The following CACNB4 variants were observed in gnomAD, a reference collection of about 807,000 sequenced individuals.
The protein encoded by CACNB4 is voltage-dependent L-type calcium channel subunit beta-4.
In CACNB4, 32 loss-of-function variants were observed where a neutral mutation model predicts 71.2. The observed-to-expected ratio is 0.45, with a 90% CI of 0.34 to 0.60. The LOEUF (loss-of-function observed/expected upper bound fraction) is 0.60, where lower values mean the gene tolerates loss of function less well. Ranked by LOEUF, CACNB4 falls within the 20% of genes least tolerant of loss-of-function variation. CACNB4 has a pLI of 0.01. For synonymous variants in CACNB4, 231 were observed against 236.9 expected, an observed-to-expected ratio of 0.97 and a Z score of 0.23; for missense variants, 464 against 647.9, an observed-to-expected ratio of 0.72 and a Z score of 3.08.
chr2:152,071,579 T>G (rs1289518224), intron 2 of CACNB4, among the ~76,000 whole-genome samples: 1 of 152,234 alleles, frequency 6.6e-6, no homozygotes, highest in Non-Finnish European at 1.5e-5. Context: ...AGAATTTACA[T>G]TAAAAACTAG....
intron 5 of CACNB4, among the ~76,000 whole-genome samples, chr2:151,876,003 C>T (rs809503): frequency 0.28 from 18,102 of 64,606 alleles, 3,189 homozygotes; most frequent in Admixed American, 0.4. Context: ...CCGGACGGGG[C>T]GGCTGGCCGG....
At chr2:152,048,804 T>G (rs1685265104) in intron 2 of CACNB4, 1 of 152,250 alleles carries the variant, frequency 6.6e-6, no homozygotes, top group Non-Finnish European at 1.5e-5. Context: ...GAGCCAAATC[T>G]TAGCCCTTCT....
chr2:152,030,210 T>C (rs1006511205), intron 2 of CACNB4, among the ~76,000 whole-genome samples: 2 of 152,118 alleles, frequency 1.3e-5, no homozygotes, highest in South Asian at 4.1e-4. Context: ...AAAAATAAAA[T>C]TCACACATAG....
At chr2:152,050,170 C>T (rs1206572820) in intron 2 of CACNB4, among the ~76,000 whole-genome samples, 1 of 152,224 alleles carries the variant, frequency 6.6e-6, no homozygotes, top group Non-Finnish European at 1.5e-5. Flanking sequence ...GTGTGCTGGG[C>T]CCGCTGCCTG....
At chr2:151,978,593 G>A (rs530495053) in intron 2 of CACNB4, among the ~76,000 whole-genome samples, 1 of 152,276 alleles carries the variant, frequency 6.6e-6, no homozygotes, top group Admixed American at 6.5e-5. Context: ...AGAAGATTGT[G>A]CAAATTAAAA....
chr2:152,010,071 G>C (rs115497336), intron 2 of CACNB4, among the ~76,000 whole-genome samples: 186 of 152,294 alleles, frequency 1.2e-3, no homozygotes, highest in African/African-American at 4.4e-3. Context: ...TTATTGGGAG[G>C]CCACTACCTT....
chr2:151,909,854 G>A (rs1250290476), intron 2 of CACNB4, among the ~76,000 whole-genome samples: 1 of 152,116 alleles, frequency 6.6e-6, no homozygotes. Context: ...TGTAAATCGT[G>A]CTGCAATAAA....
intron 6 of CACNB4, chr2:151,871,603 C>T (rs909836160): frequency 1.3e-5 from 2 of 152,390 alleles, no homozygotes; most frequent in African/African-American, 4.8e-5. Context: ...GGTTCAGTGT[C>T]CTGTAGATAA....
intron 3 of CACNB4, among the ~76,000 whole-genome samples, chr2:151,881,580 C>T (rs1004091320): frequency 1.3e-5 from 2 of 152,218 alleles, no homozygotes; most frequent in South Asian, 2.1e-4. Context: ...CCTAAGCAAA[C>T]GGTGCTGCCA....
At chr2:152,021,821 C>T (rs901254987) in intron 2 of CACNB4, among the ~76,000 whole-genome samples, 10 of 152,112 alleles carry the variant, frequency 6.6e-5, no homozygotes, top group Non-Finnish European at 1.2e-4. Flanking sequence ...TTTCTTAATT[C>T]AACTCTCACA....
chr2:151,971,300 G>C (rs761031308), intron 2 of CACNB4: 4 of 588,578 alleles, frequency 6.8e-6, no homozygotes, highest in Non-Finnish European at 1.2e-5. Context: ...TGAAAACATT[G>C]AAAATAATCA....
chr2:151,990,900 G>A (rs963904997), intron 2 of CACNB4, among the ~76,000 whole-genome samples: 8 of 152,156 alleles, frequency 5.3e-5, no homozygotes, highest in Non-Finnish European at 1.0e-4. Context: ...TGTTTGAAAG[G>A]TCATTTTAAA....
intron 12 of CACNB4, chr2:151,851,061 C>T (rs2099838962): frequency 6.6e-6 from 1 of 152,108 alleles, no homozygotes; most frequent in Non-Finnish European, 1.5e-5. Flanking sequence ...AATTTGCTGA[C>T]TTTTCATACT....
At chr2:151,969,000 T>C (rs966897236) in intron 2 of CACNB4, 5 of 152,244 alleles carry the variant, frequency 3.3e-5, no homozygotes, top group African/African-American at 1.2e-4. Context: ...AATTTCAATA[T>C]ATATTTTAGA....
intron 2 of CACNB4, among the ~76,000 whole-genome samples, chr2:151,913,781 A>AAAAG (rs1553772313): frequency 6.6e-6 from 1 of 150,888 alleles, no homozygotes; most frequent in Admixed American, 6.6e-5. Flanking sequence ...AAAAAAAAAA[A>AAAAG]AGAGAATATT....
chr2:152,052,053 C>T (rs1404084481), intron 2 of CACNB4, among the ~76,000 whole-genome samples: 1 of 152,234 alleles, frequency 6.6e-6, no homozygotes, highest in East Asian at 1.9e-4. Flanking sequence ...ATCAGTACAG[C>T]TGCTCCTCCG....
chr2:152,070,719 C>A (rs1686636342), intron 2 of CACNB4, among the ~76,000 whole-genome samples: 1 of 152,162 alleles, frequency 6.6e-6, no homozygotes, highest in Admixed American at 6.5e-5. Context: ...ATCATTTCAG[C>A]AAACCAATTG....
In CACNB4 at chr2:151,835,036, T is replaced by G. The variant is rs920215902; in HGVS notation, c.*4083A>C. 2.0e-5 allele frequency: 3 copies of G among 151,998 alleles called. No individual in the cohort carries two copies. The highest frequency in any genetic ancestry group is 7.2e-5 in the African/African-American group (3 of 41,452). 9.4% of individuals were successfully genotyped at this position (151,998 alleles called of 1,614,324 possible). A position where few individuals can be genotyped will look rare whatever the true frequency, so the allele number is the denominator to read the frequency against. ...ACATGGGAGTCCAAGATTATGCATA[T>G]CCTTACCCAGTAAATGGCTAAGTCA... On this transcript the variant is annotated 3_prime_UTR_variant, in exon 14 of 14. Coordinates refer to ENST00000539935, the MANE Select transcript of CACNB4 (RefSeq NM_000726.5).
intron 4 of CACNB4, among the ~76,000 whole-genome samples, chr2:151,877,736 G>A (rs902058286): frequency 6.6e-6 from 1 of 152,130 alleles, no homozygotes; most frequent in Admixed American, 6.6e-5. Context: ...GTGAAATTTT[G>A]CAAATAACTT....
Sources: gnomAD v4.1 joint callset for allele counts (sites outside exome capture counted in the v4.1 genomes callset) on GRCh38, gnomAD v4.1.1 for gene constraint, MANE v1.5 for transcripts, NCBI Gene and HGNC (gene_info 2026-07-23, HGNC 2026-07-21) for gene names.